The following COBLL1 variants were observed in gnomAD, a reference collection of about 807,000 sequenced individuals.
COBLL1 encodes the protein cordon-bleu protein-like 1.
Under a neutral mutation model 94.8 loss-of-function variants are expected in COBLL1, and 50 were observed. The ratio of observed to expected loss-of-function variants is 0.53; its 90% CI spans 0.42 to 0.67. The LOEUF (loss-of-function observed/expected upper bound fraction) is 0.67. COBLL1 is among the 30% of genes least tolerant of loss of function. COBLL1 has a pLI of 0.00. For synonymous variants in COBLL1, 448 were observed against 473.8 expected (o/e 0.95, Z 0.71); for missense variants, 1,362 against 1,348.7 (o/e 1.01, Z -0.15).
intron 2 of COBLL1, among the ~76,000 whole-genome samples, chr2:164,762,879 G>A (rs1041049801): frequency 6.6e-6 from 1 of 151,936 alleles, no homozygotes. Flanking sequence ...TGTATTTTTA[G>A]TAGAGACGGG....
chr2:164,795,049 G>C (rs574370442), intron 2 of COBLL1, among the ~76,000 whole-genome samples: 1 of 152,212 alleles, frequency 6.6e-6, no homozygotes, highest in South Asian at 2.1e-4. Context: ...CACTTCCTTC[G>C]AGGACTCTTT....
chr2:164,728,279 A>T (rs1685818107), intron 4 of COBLL1, 82 bp from the exon 5 acceptor site: 1 of 825,740 alleles, frequency 1.2e-6, no homozygotes, highest in African/African-American at 1.7e-5. Context: ...TAATGAGATA[A>T]CCTACAGTTA....
chr2:164,698,857 T>A (rs889546257), intron 11 of COBLL1, among the ~76,000 whole-genome samples: 1 of 152,002 alleles, frequency 6.6e-6, no homozygotes, highest in African/African-American at 2.4e-5. Flanking sequence ...AATATATGCC[T>A]TATGATATAG....
intron 2 of COBLL1, among the ~76,000 whole-genome samples, chr2:164,769,081 T>A (rs1487193295): frequency 1.3e-5 from 2 of 152,174 alleles, no homozygotes; most frequent in African/African-American, 2.4e-5. Context: ...ACAAAGAAGA[T>A]GCTCAATAAA....
rs1197298263 is a variant in COBLL1, at chr2:164,841,426, A to C, written c.-50-180T>G. The C allele has an allele frequency of 8.7e-7, 1 of 1,153,078 alleles. No homozygotes were observed. Among genetic ancestry groups the C allele is most frequent in the Non-Finnish European group, 1.1e-6 (1 of 938,404 alleles). 71.4% of individuals were successfully genotyped at this position (1,153,078 alleles called of 1,614,324 possible). A position where few individuals can be genotyped will look rare whatever the true frequency, so the allele number is the denominator to read the frequency against. ...CCGCGGGCGCCGCCGCCGTCTCTACAAGGTCTAGCGGGCGCCCAGAGCACG... is the reference window on the plus strand; with the variant it reads ...CCGCGGGCGCCGCCGCCGTCTCTACCAGGTCTAGCGGGCGCCCAGAGCACG... On this transcript the variant is annotated intron_variant, in intron 1 of 13. Transcript: ENST00000652658. This position sits in a 1 kb window ranked among gnomAD's most constrained non-coding sequence, Gnocchi z 5.5.
chr2:164,818,278 A>G (rs1309991627), intron 2 of COBLL1, among the ~76,000 whole-genome samples: 1 of 148,696 alleles, frequency 6.7e-6, no homozygotes, highest in African/African-American at 2.5e-5. Context: ...GTATGTATGT[A>G]TACATATATG....
At chr2:164,715,564 CT>C (rs1276549076) in intron 7 of COBLL1, among the ~76,000 whole-genome samples, 1 of 151,948 alleles carries the variant, frequency 6.6e-6, no homozygotes, top group African/African-American at 2.4e-5. Flanking sequence ...AAATATGTAC[CT>C]GTACATTTCA....
At chr2:164,674,716 G>A (rs1398304277) in intron 1 of COBLL1, among the ~76,000 whole-genome samples, 6 of 152,206 alleles carry the variant, frequency 3.9e-5, no homozygotes, top group Non-Finnish European at 8.8e-5. Flanking sequence ...TGGGTAAACA[G>A]CTTTTACACT....
chr2:164,743,556 T>C, intron 3 of COBLL1, 131 bp downstream of exon 3: 3 of 723,074 alleles, frequency 4.1e-6, no homozygotes, highest in Non-Finnish European at 6.8e-6. Context: ...GTCTTTTTTT[T>C]TAACAGGTAA....
chr2:164,699,583 T>A (rs1342108673), intron 10 of COBLL1, 84 bp from the exon 11 acceptor site: 1 of 720,278 alleles, frequency 1.4e-6, no homozygotes, highest in African/African-American at 1.8e-5. Context: ...ACACACACAA[T>A]GAGAAACAGG....
In COBLL1 at chr2:164,803,582, T is replaced by TAAAATAAAATAAAATA. The variant is rs145038455; in HGVS notation, c.41+37573_41+37574insTATTTTATTTTATTTT. Among the ~76,000 whole-genome samples, 556 of 146,384 alleles carry TAAAATAAAATAAAATA rather than the reference T, an allele frequency of 3.8e-3. 1 individual carries two copies. The highest frequency in any genetic ancestry group is 6.8e-3 in the Non-Finnish European group (453 of 66,758). ...TCTGTCTCAAAAATAAATAAATAAA[T>TAAAATAAAATAAAATA]AAATAAAATAAAATAAAATAAAATA... On this transcript the variant is annotated intron_variant, in intron 2 of 13. Transcript: ENST00000652658.
At chr2:164,769,441 T>C (rs989885807) in intron 2 of COBLL1, among the ~76,000 whole-genome samples, 1 of 152,224 alleles carries the variant, frequency 6.6e-6, no homozygotes, top group Non-Finnish European at 1.5e-5. Flanking sequence ...GACTGGTGGT[T>C]TGGCAACTCT....
chr2:164,694,754 C>T lies in COBLL1; in HGVS notation c.2638G>A (p.Val880Met), dbSNP rs757751203. 4 of 1,613,610 alleles carry T rather than the reference C, an allele frequency of 2.5e-6. No homozygotes were observed. The highest frequency in any genetic ancestry group is 3.4e-6 in the Non-Finnish European group (4 of 1,179,948). Reference protein sequence around the residue: ...QMQKRVSGHYVTSAAAKSVHA... With the variant: ...QMQKRVSGHYMTSAAAKSVHA... Reference sequence around the variant, plus strand: ...ACACTCTTGGCAGCTGCAGATGTCACATAGTGACCCGATACTCTCTTCTGC... The same window carrying T: ...ACACTCTTGGCAGCTGCAGATGTCATATAGTGACCCGATACTCTCTTCTGC... Residue 880 changes from valine to methionine, a missense_variant, in exon 12 of 14, where the codon GTG becomes ATG. Physicochemically the swap from Val to Met is conservative, Grantham distance 21. Coordinates refer to ENST00000652658, the MANE Select transcript of COBLL1 (RefSeq NM_001365672.2).
At chr2:164,659,273 G>A (rs1360683012) in intron 2 of COBLL1, among the ~76,000 whole-genome samples, 7 of 152,066 alleles carry the variant, frequency 4.6e-5, no homozygotes, top group African/African-American at 1.4e-4. Flanking sequence ...TGCATACCCC[G>A]CTTTTTGAAG....
chr2:164,773,763 G>C lies in COBLL1; in HGVS notation c.42-29888C>G, dbSNP rs1239847153. On this transcript the variant is annotated intron_variant, in intron 2 of 13. Transcript: ENST00000652658. ...TTGTTCCTCTAGCGCTTTACTTTTA[G>C]AGAATGCTGAACCAACTGTCCTGCT... 5.4e-6 allele frequency: 7 copies of C among 1,296,658 alleles called. No homozygotes were observed. In the South Asian group the frequency reaches 7.6e-5, roughly 14 times the overall value. 80.3% of individuals were successfully genotyped at this position (1,296,658 alleles called of 1,614,324 possible).
At chr2:164,820,612 A>C (rs1231142700) in intron 2 of COBLL1, among the ~76,000 whole-genome samples, 1 of 152,228 alleles carries the variant, frequency 6.6e-6, no homozygotes, top group Non-Finnish European at 1.5e-5. Flanking sequence ...ATAACAAAAT[A>C]GTAATGTATT....
chr2:164,775,965 C>G lies in COBLL1; in HGVS notation c.42-32090G>C, dbSNP rs138705073. Among the ~76,000 whole-genome samples the G allele has an allele frequency of 5.2e-3, 792 of 152,196 alleles. 12 individuals carry two copies. The highest frequency in any genetic ancestry group is 0.018 in the African/African-American group (731 of 41,526). ...TCCCTTAGTTTCCCTGCCTCAATAA[C>G]AGCCCCAATACAGTCCCAAATCTAA... On this transcript the variant is annotated intron_variant, in intron 2 of 13. Transcript: ENST00000652658.
intron 2 of COBLL1, among the ~76,000 whole-genome samples, chr2:164,805,337 C>CATATATAAA (rs1684066406): frequency 3.5e-4 from 6 of 17,050 alleles, no homozygotes; most frequent in African/African-American, 1.4e-3. Context: ...CTCTCTCTCT[C>CATATATAAA]TATATATATA....
At chr2:164,721,892 T>C (rs1269981773) in intron 7 of COBLL1, 183 bp downstream of exon 7, 1 of 441,150 alleles carries the variant, frequency 2.3e-6, no homozygotes, top group African/African-American at 2.0e-5. Context: ...ATAGAAGATC[T>C]ATTCCTAGTA....
Sources: gnomAD v4.1 joint callset for allele counts (sites outside exome capture counted in the v4.1 genomes callset) on GRCh38, gnomAD v4.1.1 for gene constraint, Gnocchi (gnomAD v3.1) non-coding constraint, MANE v1.5 for transcripts, NCBI Gene and HGNC (gene_info 2026-07-23, HGNC 2026-07-21) for gene names.